The following ADGRL2 variants were observed in gnomAD, a reference collection of about 807,000 sequenced individuals.
ADGRL2 encodes the protein adhesion G protein-coupled receptor L2.
A neutral mutation model predicts 157.4 loss-of-function variants in ADGRL2; 44 were observed. The ratio of observed to expected loss-of-function variants is 0.28; its 90% CI spans 0.22 to 0.36. ADGRL2 has a LOEUF of 0.36. Among genes scored for constraint, ADGRL2 ranks in the 10% least tolerant of loss-of-function variants. The probability of loss-of-function intolerance (pLI) is 1.00; values close to 1 mark genes in which losing one functional copy is unlikely to be tolerated. For missense variants in ADGRL2, 1,510 were observed against 1,768.9 expected (o/e 0.85, Z 2.63); for synonymous variants, 585 against 624.7 (o/e 0.94, Z 0.95).
intron 2 of ADGRL2, among the ~76,000 whole-genome samples, chr1:81,528,879 G>T (rs2079535843): frequency 6.6e-6 from 1 of 151,930 alleles, no homozygotes; most frequent in African/African-American, 2.4e-5. Context: ...TTGTATTAAT[G>T]AGGAGAATAG....
chr1:81,596,226 G>C, intron 3 of ADGRL2: 1 of 578,116 alleles, frequency 1.7e-6, no homozygotes, highest in Non-Finnish European at 3.3e-6. Flanking sequence ...AATCTCAAAA[G>C]GACTGTGCAA....
intron 3 of ADGRL2, among the ~76,000 whole-genome samples, chr1:81,673,600 T>C (rs2148925400): frequency 6.7e-6 from 1 of 149,548 alleles, no homozygotes; most frequent in Admixed American, 6.7e-5. Context: ...CTGCAAGCTC[T>C]GCCTCCCGGG....
intron 2 of ADGRL2, among the ~76,000 whole-genome samples, chr1:81,892,516 A>G (rs193148413): frequency 2.0e-5 from 3 of 152,222 alleles, no homozygotes; most frequent in Admixed American, 2.0e-4. Context: ...GTGTTTTACT[A>G]TCTTTAATCT....
intron 2 of ADGRL2, among the ~76,000 whole-genome samples, chr1:81,892,697 T>C (rs2094296328): frequency 6.6e-6 from 1 of 152,178 alleles, no homozygotes; most frequent in Admixed American, 6.5e-5. Flanking sequence ...GATATTTATA[T>C]AATGAGAGAA....
In ADGRL2 at chr1:81,966,041, T is replaced by A; in HGVS notation, c.2018-17T>A. The A allele has an allele frequency of 6.2e-7, 1 of 1,613,190 alleles. No homozygotes were observed. Among genetic ancestry groups the A allele is most frequent in the South Asian group, 1.1e-5 (1 of 90,942 alleles). ...AATCCTTTTTTCCCCACCTCCTTTA[T>A]CTTTTCCCTCATCCAGTCCTGGAAG... is the stretch of plus-strand genomic sequence containing the variant. On this transcript the variant is annotated splice_polypyrimidine_tract_variant and intron_variant, in intron 11 of 23. Transcript: ENST00000686636.
chr1:81,787,176 C>T (rs1270483116), intron 2 of ADGRL2, among the ~76,000 whole-genome samples: 1 of 152,160 alleles, frequency 6.6e-6, no homozygotes, highest in East Asian at 1.9e-4. Context: ...TCCAATTAAA[C>T]CTCTTTTCCT....
intron 2 of ADGRL2, chr1:81,503,121 G>A: frequency 6.2e-7 from 1 of 1,613,380 alleles, no homozygotes; most frequent in South Asian, 1.1e-5. Context: ...CTGAGGAGGA[G>A]CAGCGCCTGG....
chr1:81,801,523 G>A (rs1215285379), intron 1 of ADGRL2, among the ~76,000 whole-genome samples: 1 of 152,224 alleles, frequency 6.6e-6, no homozygotes, highest in East Asian at 1.9e-4. Context: ...ATTGTTGGGG[G>A]GCATCTCCCC....
At chr1:81,914,883 G>GGAC (rs2094818759) in intron 3 of ADGRL2, among the ~76,000 whole-genome samples, 1 of 151,998 alleles carries the variant, frequency 6.6e-6, no homozygotes, top group Non-Finnish European at 1.5e-5. Context: ...ACTTACTGAT[G>GGAC]GACATTAAAG....
rs551624362 is a variant in ADGRL2 at position 81,985,405 on chromosome 1, A to T, written c.3508+50A>T. The T allele has an allele frequency of 5.2e-5, 52 of 990,736 alleles. No homozygotes were observed. In the South Asian group the frequency reaches 6.3e-4, roughly 12 times the overall value. The allele number at this position is 990,736 out of a possible 1,614,324, so 61.4% of individuals were successfully genotyped here. ...TACTACCATTTATTAAAGTACATATAAGTTCCTTTTATTCAATAATGTAAT... is the reference window on the plus strand; with the variant it reads ...TACTACCATTTATTAAAGTACATATTAGTTCCTTTTATTCAATAATGTAAT... On this transcript the variant is annotated intron_variant, in intron 21 of 23. Coordinates refer to ENST00000686636, the MANE Select transcript of ADGRL2 (RefSeq NM_001366006.2).
intron 2 of ADGRL2, among the ~76,000 whole-genome samples, chr1:81,842,107 C>T (rs555769237): frequency 1.7e-4 from 26 of 151,868 alleles, no homozygotes; most frequent in African/African-American, 5.3e-4. Flanking sequence ...AGAGCCACTG[C>T]GTATTCTATG....
intron 2 of ADGRL2, among the ~76,000 whole-genome samples, chr1:81,536,665 A>ATTTTG (rs991245980): frequency 9.1e-4 from 139 of 151,918 alleles, no homozygotes; most frequent in African/African-American, 1.7e-3. Context: ...TTTGGTGGTT[A>ATTTTG]TTTTGTTTTG....
chr1:81,546,070 T>C (rs965606812), intron 2 of ADGRL2, among the ~76,000 whole-genome samples: 7 of 152,152 alleles, frequency 4.6e-5, no homozygotes, highest in Non-Finnish European at 1.0e-4. Context: ...TTTTCTGTAC[T>C]GTTTCCTGCT....
At chr1:81,897,336 A>G (rs900127267) in intron 2 of ADGRL2, among the ~76,000 whole-genome samples, 1 of 152,084 alleles carries the variant, frequency 6.6e-6, no homozygotes, top group Admixed American at 6.6e-5. Context: ...GCCTTTGTGA[A>G]CTTAGAAGTT....
At chr1:81,638,812 T>G (rs1484908678) in intron 3 of ADGRL2, among the ~76,000 whole-genome samples, 2 of 152,100 alleles carry the variant, frequency 1.3e-5, no homozygotes, top group Non-Finnish European at 2.9e-5. Flanking sequence ...AAAACTAACC[T>G]GAGCACATAG....
intron 2 of ADGRL2, among the ~76,000 whole-genome samples, chr1:81,863,570 T>C (rs2093449797): frequency 6.6e-6 from 1 of 152,138 alleles, no homozygotes; most frequent in Non-Finnish European, 1.5e-5. Context: ...GAGAGTGGGT[T>C]GTAGTGAGCT....
In ADGRL2 at chr1:81,817,687, A is replaced by G. The variant is rs376524081; in HGVS notation, c.-101+16619A>G. 1.2e-3 allele frequency among the ~76,000 whole-genome samples: 182 copies of G among 152,204 alleles called. 2 individuals are homozygous for G. Among genetic ancestry groups the G allele is most frequent in the African/African-American group, 4.3e-3 (177 of 41,540 alleles). ...TTATAGGGTGTAATAAAAATCATAA[A>G]GTTAAATTTGAATGAGTAAAATCTT... On this transcript the variant is annotated intron_variant, in intron 1 of 23. Coordinates refer to ENST00000686636, the MANE Select transcript of ADGRL2 (RefSeq NM_001366006.2).
At chr1:81,446,137 T>C (rs2077592720) in intron 2 of ADGRL2, among the ~76,000 whole-genome samples, 1 of 152,092 alleles carries the variant, frequency 6.6e-6, no homozygotes, top group Admixed American at 6.6e-5. Context: ...AAGAAAATAA[T>C]TGGCATCCCA....
In ADGRL2 at chr1:81,500,242, G is replaced by T. The variant is rs115152575; in HGVS notation, c.-248+55153G>T. Among the ~76,000 whole-genome samples, 1,323 of 152,308 alleles carry T rather than the reference G, an allele frequency of 8.7e-3. 13 individuals carry two copies. The highest frequency in any genetic ancestry group is 0.028 in the African/African-American group (1,183 of 41,566). ...GGAGCAGCTACTGTGGAAATAGTAT[G>T]GTGGTCCTGCAAAATTAGACAAAGG... On this transcript the variant is annotated intron_variant, in intron 2 of 24. Transcript: ENST00000370721.
Sources: allele counts gnomAD v4.1 joint callset (sites outside exome capture counted in the v4.1 genomes callset), GRCh38; gene constraint gnomAD v4.1.1; transcripts MANE v1.5; gene names NCBI Gene and HGNC (gene_info 2026-07-23, HGNC 2026-07-21).